GALNT9: variants seen among roughly 807,000 people sequenced by gnomAD.
GALNT9 encodes the protein GalNAc transferase 9.
In GALNT9, 47 loss-of-function variants were observed where a neutral mutation model predicts 63.1. The observed-to-expected ratio is 0.75, with a 90% CI of 0.59 to 0.95. The LOEUF is 0.95. Ranked by LOEUF, GALNT9 falls within the 40% of genes least tolerant of loss-of-function variation. The pLI, the probability that GALNT9 is intolerant of heterozygous loss-of-function variation, is 0.00. For missense variants in GALNT9, 829 were observed against 874.8 expected (o/e 0.95, Z 0.66); for synonymous variants, 396 against 365.7 (o/e 1.08, Z -0.94).
chr12:132,269,001 T>C (rs1448985770), intron 2 of GALNT9, among the ~76,000 whole-genome samples: 1 of 152,200 alleles, frequency 6.6e-6, no homozygotes, highest in Non-Finnish European at 1.5e-5. Flanking sequence ...TGTGGATATC[T>C]GAGCCTGGAG....
Position 132,272,594 on chromosome 12 carries a change from TG to T in GALNT9, c.420-9970del, listed in dbSNP as rs545542938. On this transcript the variant is annotated intron_variant, in intron 2 of 10. Transcript: ENST00000328957. ...TCACAAACCTTTGTAGACAAACTGC[TG>T]TTTAAATTGGAAATAATGGAACACA... 1.2e-3 allele frequency: 187 copies of T among 152,354 alleles called. 1 individual carries two copies. The highest frequency in any genetic ancestry group is 4.3e-3 in the African/African-American group (179 of 41,570). The allele number at this position is 152,354 out of a possible 1,614,324, so 9.4% of individuals were successfully genotyped here.
At chr12:132,287,107 C>G (rs998746300) in intron 1 of GALNT9, among the ~76,000 whole-genome samples, 10 of 135,194 alleles carry the variant, frequency 7.4e-5, no homozygotes, top group Non-Finnish European at 1.6e-5. Flanking sequence ...TCACCTGCAT[C>G]GGGCAGCATC....
intron 2 of GALNT9, among the ~76,000 whole-genome samples, chr12:132,263,686 A>G (rs1226881458): frequency 6.6e-6 from 1 of 152,176 alleles, no homozygotes; most frequent in East Asian, 1.9e-4. Context: ...TGACAGCTCT[A>G]TACCAAGAAC....
intron 6 of GALNT9, chr12:132,240,605 T>C (rs143828325): frequency 2.2e-6 from 1 of 455,738 alleles, no homozygotes; most frequent in Non-Finnish European, 4.4e-6. Context: ...GCTCCGTGCG[T>C]GGCCCCGGGG....
chr12:132,243,305 A>C (rs1322401697), intron 6 of GALNT9, among the ~76,000 whole-genome samples: 3,029 of 118,972 alleles, frequency 0.025, 1 homozygote, highest in Middle Eastern at 0.095. Flanking sequence ...CCCTCCCTAT[A>C]CCCATTACAC....
chr12:132,283,874 G>T (rs1880465166), intron 2 of GALNT9: 2 of 152,084 alleles, frequency 1.3e-5, no homozygotes, highest in Admixed American at 6.5e-5. Context: ...GCAGGGAAAA[G>T]CAGCCTGTCT....
chr12:132,286,359 G>A lies in GALNT9; in HGVS notation c.310C>T (p.Arg104Cys), dbSNP rs1412189372. Residue 104 changes from arginine to cysteine, a missense_variant, in exon 2 of 11, where the codon CGT (arginine) becomes TGT (cysteine). Coordinates refer to ENST00000328957, the MANE Select transcript of GALNT9 (RefSeq NM_001122636.2). The surrounding 1 kb of genome is among the most constrained non-coding windows in gnomAD (Gnocchi z 7.4). ...CCTTCCGCCTCCTGGCCGTCATCAC[G>A]CAGGGTGGCCGCCAAGCCACCCTGG... The part of the protein sequence containing the change: ...LGQGGLAATL[R>C]DDGQEAEGKY... The A allele has an allele frequency of 7.1e-6, 11 of 1,550,720 alleles. No individual in the cohort carries two copies. Among genetic ancestry groups the A allele is most frequent in the African/African-American group, 1.4e-5 (1 of 73,038 alleles).
Position 132,271,057 on chromosome 12 carries a change from C to T in GALNT9, c.420-8432G>A, listed in dbSNP as rs549828107. On this transcript the variant is annotated intron_variant, in intron 2 of 10. Coordinates refer to ENST00000328957, the MANE Select transcript of GALNT9 (RefSeq NM_001122636.2). Reference sequence around the variant, plus strand: ...GGGAGAGCAGGTGCCTCAGCTGCCGCCGTCCGCTGCTTCTCCATGACAGAC... The same window carrying T: ...GGGAGAGCAGGTGCCTCAGCTGCCGTCGTCCGCTGCTTCTCCATGACAGAC... Among the ~76,000 whole-genome samples the T allele has an allele frequency of 9.2e-5, 14 of 152,270 alleles. No individual in the cohort carries two copies. In the South Asian group the frequency reaches 2.9e-3, roughly 32 times the overall value.
At chr12:132,240,329 G>C (rs1031733657) in intron 6 of GALNT9, among the ~76,000 whole-genome samples, 3 of 152,134 alleles carry the variant, frequency 2.0e-5, no homozygotes, top group Non-Finnish European at 4.4e-5. Context: ...GCCTCTGGCC[G>C]GCAGACTCCA....
chr12:132,209,099 T>C (rs960952939), intron 6 of GALNT9, among the ~76,000 whole-genome samples: 4 of 151,272 alleles, frequency 2.6e-5, no homozygotes, highest in African/African-American at 9.8e-5. Flanking sequence ...TCAAACCACA[T>C]CGTGAACAGG....
At position 132,305,238 on chromosome 12, in the gene GALNT9, C is replaced by T. The variant is rs1555244513; in HGVS notation, c.239-18808G>A. Among the ~76,000 whole-genome samples, 2 of 54,730 alleles carry T rather than the reference C, an allele frequency of 3.7e-5. 1 individual carries two copies. The highest frequency in any genetic ancestry group is 6.1e-5 in the Non-Finnish European group (2 of 32,682). The allele number at this position is 54,730 out of a possible 152,430, so 35.9% of individuals were successfully genotyped here. A position where few individuals can be genotyped will look rare whatever the true frequency, so the allele number is the denominator to read the frequency against. ...ACCCTCGCCCGGACACACCCTCACC[C>T]GGGCACAGAATCGCCCAGACACACC... On this transcript the variant is annotated intron_variant, in intron 1 of 10. Transcript: ENST00000328957.
intron 6 of GALNT9, among the ~76,000 whole-genome samples, chr12:132,221,194 A>G (rs1372268330): frequency 7.1e-6 from 1 of 141,228 alleles, no homozygotes; most frequent in Non-Finnish European, 1.5e-5. Flanking sequence ...CTCTACCAAA[A>G]ATACAAAAAT....
In GALNT9 at chr12:132,329,217, G is replaced by A; in HGVS notation, c.-14C>T. ...GGCCACCGCCATGAACACGGCTGCAGCGGGGGCCTCACCCGCGGGGCATCC... is the reference window on the plus strand; with the variant it reads ...GGCCACCGCCATGAACACGGCTGCAACGGGGGCCTCACCCGCGGGGCATCC... On this transcript the variant is annotated 5_prime_UTR_variant, in exon 1 of 11. Transcript: ENST00000328957. 6.5e-7 allele frequency: 1 copy of A among 1,537,640 alleles called. No homozygotes were observed. Among genetic ancestry groups the A allele is most frequent in the Non-Finnish European group, 8.8e-7 (1 of 1,137,508 alleles).
Position 132,296,783 on chromosome 12 carries a change from G to A in GALNT9, c.239-10353C>T, listed in dbSNP as rs1881090497. On this transcript the variant is annotated intron_variant, in intron 1 of 10. Transcript: ENST00000328957. The surrounding 1 kb of genome is among the most constrained non-coding windows in gnomAD (Gnocchi z 4.2). ...GATGAAGAGGCACGGATCTGACTTC[G>A]GCCTCTGTGCTGTGTCATCCCATGT... 6.6e-6 allele frequency among the ~76,000 whole-genome samples: 1 copy of A among 151,696 alleles called. No homozygotes were observed. Among genetic ancestry groups the A allele is most frequent in the Non-Finnish European group, 1.5e-5 (1 of 67,948 alleles).
rs2136895856 is a variant in GALNT9, at chr12:132,238,162, G to T, written c.1077+9748C>A. ...CCTTACAGCAACGAGCCTGGCTGAT[G>T]CTTCCAAGGCTAAGGACGCGGGCAG... On this transcript the variant is annotated intron_variant, in intron 6 of 10. Coordinates refer to ENST00000328957, the MANE Select transcript of GALNT9 (RefSeq NM_001122636.2). The surrounding 1 kb of genome is among the most constrained non-coding windows in gnomAD (Gnocchi z 6.5). 5.5e-4 allele frequency among the ~76,000 whole-genome samples: 84 copies of T among 152,320 alleles called. No homozygotes were observed. Among genetic ancestry groups the T allele is most frequent in the African/African-American group, 1.9e-3 (80 of 41,568 alleles).
At chr12:132,298,389 C>A (rs28380125) in intron 1 of GALNT9, among the ~76,000 whole-genome samples, 25,184 of 151,350 alleles carry the variant, frequency 0.17, 2,253 homozygotes, top group African/African-American at 0.25. Flanking sequence ...TCCCACCATA[C>A]CTAATCCACT....
At chr12:132,303,779 A>G (rs868923526) in intron 1 of GALNT9, among the ~76,000 whole-genome samples, 1 of 21,208 alleles carries the variant, frequency 4.7e-5, no homozygotes, top group African/African-American at 2.9e-4. Context: ...GCACACCCTC[A>G]CCCGGGCACA....
At chr12:132,239,625 G>T (rs111174067) in intron 6 of GALNT9, among the ~76,000 whole-genome samples, 36 of 150,960 alleles carry the variant, frequency 2.4e-4, no homozygotes, top group African/African-American at 7.5e-4. Context: ...GAGACTGAGA[G>T]ACAGAGAGAC....
chr12:132,327,431 C>G lies in GALNT9; in HGVS notation c.238+1535G>C, dbSNP rs1203169757. On this transcript the variant is annotated intron_variant, in intron 1 of 10. Coordinates refer to ENST00000328957, the MANE Select transcript of GALNT9 (RefSeq NM_001122636.2). The surrounding 1 kb of genome is among the most constrained non-coding windows in gnomAD (Gnocchi z 4.3). ...TTGAAGGGTGAGGCAGGGAAAACGACTCACAGGGCCGAGCTGCCCTCGTGG... is the reference window on the plus strand; with the variant it reads ...TTGAAGGGTGAGGCAGGGAAAACGAGTCACAGGGCCGAGCTGCCCTCGTGG... Among the ~76,000 whole-genome samples the G allele has an allele frequency of 3.3e-5, 5 of 152,012 alleles. No individual in the cohort carries two copies. The highest frequency in any genetic ancestry group is 1.2e-4 in the African/African-American group (5 of 41,376).
Sources: gnomAD v4.1 joint callset for allele counts (sites outside exome capture counted in the v4.1 genomes callset) on GRCh38, gnomAD v4.1.1 for gene constraint, Gnocchi (gnomAD v3.1) non-coding constraint, MANE v1.5 for transcripts, NCBI Gene and HGNC (gene_info 2026-07-23, HGNC 2026-07-21) for gene names.